Variants in JKAMP observed in about 807,000 individuals in gnomAD.
The protein encoded by JKAMP is JNK1/MAPK8 associated membrane protein.
Under a neutral mutation model 40.2 loss-of-function variants are expected in JKAMP, and 20 were observed. The ratio of observed to expected loss-of-function variants is 0.50; its 90% CI spans 0.35 to 0.72. JKAMP has a LOEUF of 0.72. Ranked by LOEUF, JKAMP falls within the 30% of genes least tolerant of loss-of-function variation. JKAMP has a pLI of 0.01. For synonymous variants in JKAMP, 138 were observed against 131.6 expected, an observed-to-expected ratio of 1.05 and a Z score of -0.33; for missense variants, 276 against 373.0, an observed-to-expected ratio of 0.74 and a Z score of 2.14.
At chr14:59,499,997 A>G (rs1315481128) in intron 5 of JKAMP, among the ~76,000 whole-genome samples, 1 of 152,208 alleles carries the variant, frequency 6.6e-6, no homozygotes, top group Non-Finnish European at 1.5e-5. Flanking sequence ...GAGTGACATG[A>G]TTACATTTGC....
At chr14:59,493,607 T>C (rs1891199597) in intron 3 of JKAMP, among the ~76,000 whole-genome samples, 1 of 152,216 alleles carries the variant, frequency 6.6e-6, no homozygotes, top group Non-Finnish European at 1.5e-5. Flanking sequence ...GACAGTTTAA[T>C]AAAAAGGTTG....
In JKAMP at chr14:59,505,254, AT is replaced by A; in HGVS notation, c.*1187del. ...TATCCTTGAGTTACTTTGTTAATGT[AT>A]TTTTCTCAGTACATTTAACCACTGG... On this transcript the variant is annotated 3_prime_UTR_variant, in exon 7 of 7. Coordinates refer to ENST00000616435, the MANE Select transcript of JKAMP (RefSeq NM_016475.5). 1 of 1,496,430 alleles carries A rather than the reference AT, an allele frequency of 6.7e-7. No individual in the cohort carries two copies. Among genetic ancestry groups the A allele is most frequent in the Admixed American group, 2.0e-5 (1 of 49,708 alleles). 92.7% of individuals were successfully genotyped at this position (1,496,430 alleles called of 1,614,324 possible). A position where few individuals can be genotyped will look rare whatever the true frequency, so the allele number is the denominator to read the frequency against.
At position 59,504,030 on chromosome 14, in the gene JKAMP, C is replaced by T. The variant is rs749175252; in HGVS notation, c.894C>T (p.Thr298=). 17 of 1,613,560 alleles carry T rather than the reference C, an allele frequency of 1.1e-5. No individual in the cohort carries two copies. Among genetic ancestry groups the T allele is most frequent in the Admixed American group, 8.3e-5 (5 of 59,950 alleles). The part of the protein sequence containing the change: ...ALFYLFTAKF[T]EPSRILSEGA... Reference sequence around the variant, plus strand: ...TTTACTTGTTCACTGCAAAATTTACCGAACCTTCAAGGATACTCTCAGAAG... The same window carrying T: ...TTTACTTGTTCACTGCAAAATTTACTGAACCTTCAAGGATACTCTCAGAAG... Residue 298 remains threonine (T), a synonymous_variant, in exon 7 of 7, where the codon ACC becomes ACT. Transcript: ENST00000616435.
Position 59,504,217 on chromosome 14 carries a change from T to C in JKAMP, c.*145T>C. On this transcript the variant is annotated 3_prime_UTR_variant, in exon 7 of 7. Coordinates refer to ENST00000616435, the MANE Select transcript of JKAMP (RefSeq NM_016475.5). ...AATGTTTGGGTTTGTCTTTGTTTTG[T>C]TTATGGTTAGACTTACAGACTTGGA... The C allele has an allele frequency of 1.6e-6, 1 of 625,992 alleles. No homozygotes were observed. The highest frequency in any genetic ancestry group is 2.8e-6 in the Non-Finnish European group (1 of 359,106). The allele number at this position is 625,992 out of a possible 1,614,324, so 38.8% of individuals were successfully genotyped here. A position where few individuals can be genotyped will look rare whatever the true frequency, so the allele number is the denominator to read the frequency against.
rs149708049 is a variant in JKAMP at position 59,491,469 on chromosome 14, A to T, written c.252-3549A>T. Among the ~76,000 whole-genome samples, 71 of 152,364 alleles carry T rather than the reference A, an allele frequency of 4.7e-4. No individual in the cohort carries two copies. In the East Asian group the frequency reaches 0.012, roughly 26 times the overall value. Reference sequence around the variant, plus strand: ...GGTTATCAAAGTAATGGCAAGAAATAATGAAGTTGGGATTTTGCCTCTGAA... The same window carrying T: ...GGTTATCAAAGTAATGGCAAGAAATTATGAAGTTGGGATTTTGCCTCTGAA... On this transcript the variant is annotated intron_variant, in intron 3 of 6. Transcript: ENST00000616435.
At chr14:59,498,664 A>G (rs1891626158) in intron 4 of JKAMP, 63 bp from the exon 5 acceptor site, 2 of 896,850 alleles carry the variant, frequency 2.2e-6, no homozygotes, top group Admixed American at 5.6e-5. Context: ...TTTAAAAATG[A>G]TCAAGATTAA....
At chr14:59,499,089 T>A (rs1030512729) in intron 5 of JKAMP, among the ~76,000 whole-genome samples, 181 bp downstream of exon 5, 1 of 143,446 alleles carries the variant, frequency 7.0e-6, no homozygotes, top group Non-Finnish European at 1.5e-5. Flanking sequence ...AGTGGCATGA[T>A]CTCGGTTCAC....
chr14:59,501,073 T>C, intron 5 of JKAMP, 118 bp from the exon 6 acceptor site: 1 of 654,828 alleles, frequency 1.5e-6, no homozygotes, highest in Non-Finnish European at 2.6e-6. Flanking sequence ...GTTGTAAGTC[T>C]CACAGAACTG....
chr14:59,493,467 G>A (rs1263935085), intron 3 of JKAMP, among the ~76,000 whole-genome samples: 1 of 152,188 alleles, frequency 6.6e-6, no homozygotes, highest in Non-Finnish European at 1.5e-5. Context: ...AAAATAGTGA[G>A]AAATGATCAG....
chr14:59,488,505 G>A (rs1890752509), intron 3 of JKAMP, among the ~76,000 whole-genome samples: 1 of 152,160 alleles, frequency 6.6e-6, no homozygotes, highest in Admixed American at 6.6e-5. Context: ...ATGAATAATG[G>A]CATAGAGGTA....
At chr14:59,486,012 G>A (rs1398226643) in intron 1 of JKAMP, 1 of 152,172 alleles carries the variant, frequency 6.6e-6, no homozygotes, top group Non-Finnish European at 1.5e-5. Context: ...CAAAGACAAC[G>A]TATTAGGTTC....
At position 59,504,246 on chromosome 14, in the gene JKAMP, T is replaced by G. The variant is rs1892178040; in HGVS notation, c.*174T>G. On this transcript the variant is annotated 3_prime_UTR_variant, in exon 7 of 7. Coordinates refer to ENST00000616435, the MANE Select transcript of JKAMP (RefSeq NM_016475.5). Reference sequence around the variant, plus strand: ...TGGTTAGACTTACAGACTTGGAAAATGCAAAACTCTGTAATACTCTGTTAC... The same window carrying G: ...TGGTTAGACTTACAGACTTGGAAAAGGCAAAACTCTGTAATACTCTGTTAC... The G allele has an allele frequency of 2.6e-5, 16 of 603,812 alleles. No homozygotes were observed. The South Asian group carries it at 3.3e-4, about 12-fold the overall frequency. The allele number at this position is 603,812 out of a possible 1,614,324, so 37.4% of individuals were successfully genotyped here. A position where few individuals can be genotyped will look rare whatever the true frequency, so the allele number is the denominator to read the frequency against.
At chr14:59,488,834 T>G (rs1890776344) in intron 3 of JKAMP, among the ~76,000 whole-genome samples, 1 of 152,264 alleles carries the variant, frequency 6.6e-6, no homozygotes, top group Non-Finnish European at 1.5e-5. Flanking sequence ...CTTCTTTTCC[T>G]TCTGATTTCA....
Position 59,505,041 on chromosome 14 carries a change from T to C in JKAMP, c.*969T>C. 1 of 383,638 alleles carries C rather than the reference T, an allele frequency of 2.6e-6. No homozygotes were observed. Among genetic ancestry groups the C allele is most frequent in the East Asian group, 3.9e-5 (1 of 25,460 alleles). 23.8% of individuals were successfully genotyped at this position (383,638 alleles called of 1,614,324 possible). On this transcript the variant is annotated 3_prime_UTR_variant, in exon 7 of 7. Coordinates refer to ENST00000616435, the MANE Select transcript of JKAMP (RefSeq NM_016475.5). ...GGAAGCAAAATGAAATTTTTAGCTCTTAACCTAACAACCTGACCATGTTTA... is the reference window on the plus strand; with the variant it reads ...GGAAGCAAAATGAAATTTTTAGCTCCTAACCTAACAACCTGACCATGTTTA...
At position 59,505,222 on chromosome 14, in the gene JKAMP, G is replaced by A; in HGVS notation, c.*1150G>A. 7.4e-7 allele frequency: 1 copy of A among 1,358,594 alleles called. No individual in the cohort carries two copies. Among genetic ancestry groups the A allele is most frequent in the Non-Finnish European group, 9.9e-7 (1 of 1,006,036 alleles). The allele number at this position is 1,358,594 out of a possible 1,614,324, so 84.2% of individuals were successfully genotyped here. ...TAGTAGTCTGTCTTTTGAATTCACA[G>A]CAGTTGTATCCTTGAGTTACTTTGT... On this transcript the variant is annotated 3_prime_UTR_variant, in exon 7 of 7. Transcript: ENST00000616435.
intron 3 of JKAMP, among the ~76,000 whole-genome samples, chr14:59,489,301 T>C (rs991254917): frequency 2.0e-5 from 3 of 152,256 alleles, no homozygotes; most frequent in Admixed American, 6.5e-5. Flanking sequence ...TAATGATTTC[T>C]TCCACTAGAT....
intron 3 of JKAMP, among the ~76,000 whole-genome samples, chr14:59,492,998 C>T (rs1891143260): frequency 6.6e-6 from 1 of 151,840 alleles, no homozygotes; most frequent in Admixed American, 6.6e-5. Flanking sequence ...CGGGGTTTCA[C>T]TGTGTTAGCC....
chr14:59,505,231 T>A lies in JKAMP; in HGVS notation c.*1159T>A. 7.0e-7 allele frequency: 1 copy of A among 1,433,460 alleles called. No homozygotes were observed. Among genetic ancestry groups the A allele is most frequent in the Non-Finnish European group, 9.4e-7 (1 of 1,066,332 alleles). 88.8% of individuals were successfully genotyped at this position (1,433,460 alleles called of 1,614,324 possible). On this transcript the variant is annotated 3_prime_UTR_variant, in exon 7 of 7. Transcript: ENST00000616435. ...GTCTTTTGAATTCACAGCAGTTGTA[T>A]CCTTGAGTTACTTTGTTAATGTATT...
intron 4 of JKAMP, among the ~76,000 whole-genome samples, chr14:59,497,650 T>C (rs1891549847): frequency 6.6e-6 from 1 of 152,182 alleles, no homozygotes; most frequent in East Asian, 1.9e-4. Flanking sequence ...TTTAGAGCTC[T>C]TAAGGAACTA....
Sources: allele counts gnomAD v4.1 joint callset (sites outside exome capture counted in the v4.1 genomes callset), GRCh38; gene constraint gnomAD v4.1.1; transcripts MANE v1.5; gene names NCBI Gene and HGNC (gene_info 2026-07-23, HGNC 2026-07-21).